Variants in TOP3A observed in about 807,000 individuals in gnomAD.
TOP3A encodes the protein DNA topoisomerase 3-alpha.
In TOP3A, 64 loss-of-function variants were observed where a neutral mutation model predicts 111.3. The ratio of observed to expected loss-of-function variants is 0.57; its 90% CI spans 0.47 to 0.71. The LOEUF (loss-of-function observed/expected upper bound fraction) is 0.71. TOP3A is among the 30% of genes least tolerant of loss of function. TOP3A has a pLI of 0.00. For synonymous variants in TOP3A, 484 were observed against 485.1 expected, an observed-to-expected ratio of 1.00 and a Z score of 0.03; for missense variants, 1,104 against 1,285.0, an observed-to-expected ratio of 0.86 and a Z score of 2.15.
chr17:18,295,951 T>C (rs1252256073), intron 9 of TOP3A, among the ~76,000 whole-genome samples: 2 of 150,860 alleles, frequency 1.3e-5, no homozygotes, highest in African/African-American at 4.9e-5. Flanking sequence ...CTATTTTTAG[T>C]AGAGACAGGG....
At chr17:18,303,929 A>G (rs982125667) in intron 5 of TOP3A, among the ~76,000 whole-genome samples, 2 of 151,980 alleles carry the variant, frequency 1.3e-5, no homozygotes, top group East Asian at 1.9e-4. Context: ...GTGGAGGGGC[A>G]GGCCCCCTCC....
At chr17:18,299,120 AT>A (rs1294665865) in intron 9 of TOP3A, among the ~76,000 whole-genome samples, 1 of 152,034 alleles carries the variant, frequency 6.6e-6, no homozygotes, top group East Asian at 1.9e-4. Context: ...AAAATAAAAA[AT>A]AAAAAATAAC....
intron 5 of TOP3A, among the ~76,000 whole-genome samples, chr17:18,303,849 C>A (rs1242748599): frequency 6.6e-6 from 1 of 152,140 alleles, no homozygotes; most frequent in Non-Finnish European, 1.5e-5. Context: ...TTTTCTTCCC[C>A]TTTACTTTGT....
chr17:18,298,787 A>G (rs1045112303), intron 9 of TOP3A, among the ~76,000 whole-genome samples: 23 of 152,332 alleles, frequency 1.5e-4, no homozygotes, highest in Admixed American at 5.2e-4. Context: ...CATGTGCTGT[A>G]TCCACTCAGG....
Position 18,274,944 on chromosome 17 carries a change from CCT to C in TOP3A, c.2862_2863del (p.Gly955LysfsTer51), listed in dbSNP as rs770609321. On this transcript the variant is annotated frameshift_variant, in exon 19 of 19. Coordinates refer to ENST00000321105, the MANE Select transcript of TOP3A (RefSeq NM_004618.5). LOFTEE classifies it high-confidence loss of function. ...TCTGGCTTCCGACTCCAGGGTTCTTCCTCTGTCTCCTGTCCAGGACGGGGCTC... is the reference window on the plus strand; with the variant it reads ...TCTGGCTTCCGACTCCAGGGTTCTTCCTGTCTCCTGTCCAGGACGGGGCTC... 5.0e-6 allele frequency: 8 copies of C among 1,614,108 alleles called. No individual in the cohort carries two copies. In the South Asian group the frequency reaches 5.5e-5, roughly 11 times the overall value.
intron 9 of TOP3A, among the ~76,000 whole-genome samples, chr17:18,297,251 C>A (rs1195706904): frequency 6.6e-6 from 1 of 152,124 alleles, no homozygotes; most frequent in Non-Finnish European, 1.5e-5. Context: ...CATGGAGAAA[C>A]CCTGTCTCTA....
At chr17:18,277,083 C>G (rs1567732850) in intron 18 of TOP3A, among the ~76,000 whole-genome samples, 1 of 149,368 alleles carries the variant, frequency 6.7e-6, no homozygotes, top group East Asian at 2.0e-4. Context: ...ACCTGGGAGG[C>G]TGAGGCAGGA....
At chr17:18,306,549 TG>T in intron 4 of TOP3A, 2 of 182,384 alleles carry the variant, frequency 1.1e-5, no homozygotes, top group South Asian at 1.1e-4. Flanking sequence ...TTTTTTTTTT[TG>T]AGAGATAGGG....
chr17:18,293,315 T>G (rs538745863), intron 10 of TOP3A, among the ~76,000 whole-genome samples: 3 of 152,254 alleles, frequency 2.0e-5, no homozygotes, highest in Non-Finnish European at 4.4e-5. Flanking sequence ...TGAGATAGTC[T>G]TGCTGTGGCA....
At chr17:18,279,898 C>A (rs1359288755) in intron 17 of TOP3A, among the ~76,000 whole-genome samples, 1 of 152,074 alleles carries the variant, frequency 6.6e-6, no homozygotes, top group Non-Finnish European at 1.5e-5. Context: ...CATCTATAAT[C>A]CCAGCACTTT....
intron 13 of TOP3A, among the ~76,000 whole-genome samples, chr17:18,289,421 C>T (rs770313590): frequency 6.6e-6 from 1 of 152,086 alleles, no homozygotes; most frequent in Non-Finnish European, 1.5e-5. Context: ...GCTACAGGTG[C>T]CCACCGCCAT....
intron 13 of TOP3A, among the ~76,000 whole-genome samples, chr17:18,286,210 GAA>G: frequency 7.2e-6 from 1 of 139,488 alleles, no homozygotes; most frequent in East Asian, 2.1e-4. Context: ...AAAAAAAAAA[GAA>G]AAAAAAAAGG....
In TOP3A at chr17:18,290,600, G is replaced by A; in HGVS notation, c.1554C>T (p.Leu518=). ...VDGETSPPKL[L]TEADLIALME... ...TGAGGGCAATGAGGTCGGCCTCGGTGAGCAGCTTGGGTGGGCTGGTCTCCC... is the reference window on the plus strand; with the variant it reads ...TGAGGGCAATGAGGTCGGCCTCGGTAAGCAGCTTGGGTGGGCTGGTCTCCC... Residue 518 remains leucine (L), a synonymous_variant, in exon 13 of 19, where the codon CTC becomes CTT. Transcript: ENST00000321105. 2 of 1,610,200 alleles carry A rather than the reference G, an allele frequency of 1.2e-6. No individual in the cohort carries two copies. The highest frequency in any genetic ancestry group is 2.2e-5 in the South Asian group (2 of 90,654).
At position 18,280,575 on chromosome 17, in the gene TOP3A, C is replaced by T; in HGVS notation, c.2105G>A (p.Ser702Asn). The change falls in exon 17 of 19, where the codon AGC (serine) becomes AAC (asparagine). Residue 702 changes from serine to asparagine, a missense_variant. Physicochemically the swap from Ser to Asn is conservative, Grantham distance 46. Transcript: ENST00000321105. ...PDSVLEASRD[S>N]SVCPVCQPHP... ...TGGCTGACAAACTGGACACACACTG[C>T]TGTCCCTGCTGGCCTCCAGCACCGA... 6.2e-7 allele frequency: 1 copy of T among 1,613,864 alleles called. No homozygotes were observed. The highest frequency in any genetic ancestry group is 8.5e-7 in the Non-Finnish European group (1 of 1,179,890).
chr17:18,291,570 T>C (rs1401274208), intron 11 of TOP3A, among the ~76,000 whole-genome samples: 1 of 152,238 alleles, frequency 6.6e-6, no homozygotes, highest in Non-Finnish European at 1.5e-5. Context: ...TGTCTACAAA[T>C]GTTAACTATA....
At chr17:18,296,949 G>A (rs2142975184) in intron 9 of TOP3A, among the ~76,000 whole-genome samples, 1 of 152,084 alleles carries the variant, frequency 6.6e-6, no homozygotes, top group East Asian at 1.9e-4. Flanking sequence ...AGATTATACA[G>A]CAACATGAAA....
At chr17:18,302,132 G>GT (rs1405024464) in intron 7 of TOP3A, 132 bp downstream of exon 7, 1 of 1,377,044 alleles carries the variant, frequency 7.3e-7, no homozygotes, top group Non-Finnish European at 1.0e-6. Flanking sequence ...TAAGTGGATT[G>GT]TAATGGGCCA....
rs1335952998 is a variant in TOP3A, at chr17:18,272,732, G to A, written c.*2070C>T. On this transcript the variant is annotated 3_prime_UTR_variant, in exon 19 of 19. Transcript: ENST00000321105. The stretch of plus-strand genomic sequence containing the variant: ...GACAGAGTTTCACTCTTTTTGCCCA[G>A]GCTGGAGTGCAATGGCCCGATCTCA... 6.6e-6 allele frequency: 1 copy of A among 151,294 alleles called. No homozygotes were observed. The highest frequency in any genetic ancestry group is 1.5e-5 in the Non-Finnish European group (1 of 67,946). The allele number at this position is 151,294 out of a possible 1,614,324, so 9.4% of individuals were successfully genotyped here. A position where few individuals can be genotyped will look rare whatever the true frequency, so the allele number is the denominator to read the frequency against.
intron 15 of TOP3A, among the ~76,000 whole-genome samples, chr17:18,283,923 T>C: frequency 6.6e-6 from 1 of 152,172 alleles, no homozygotes; most frequent in Non-Finnish European, 1.5e-5. Context: ...GTAGCTTCCA[T>C]GCCCTCTCCC....
Sources: gnomAD v4.1 joint callset for allele counts (sites outside exome capture counted in the v4.1 genomes callset) on GRCh38, gnomAD v4.1.1 for gene constraint, MANE v1.5 for transcripts, NCBI Gene and HGNC (gene_info 2026-07-23, HGNC 2026-07-21) for gene names.